Variants in VIT observed in about 807,000 individuals in gnomAD.
The protein encoded by VIT is vitrin.
Under a neutral mutation model 78.0 loss-of-function variants are expected in VIT, and 99 were observed. That is an observed-to-expected ratio of 1.27 (90% CI 1.08 to 1.50). The LOEUF (loss-of-function observed/expected upper bound fraction) is 1.50. Among genes scored for constraint, VIT ranks in the 40% most tolerant of loss-of-function variants. The probability of loss-of-function intolerance (pLI) is 0.00; values close to 1 mark genes in which losing one functional copy is unlikely to be tolerated. For synonymous variants in VIT, 374 were observed against 334.3 expected (o/e 1.12, Z -1.29); for missense variants, 1,126 against 875.3 (o/e 1.29, Z -3.61).
intron 14 of VIT, 52 bp downstream of exon 14, chr2:36,805,716 A>C (rs759882507): frequency 6.4e-7 from 1 of 1,572,826 alleles, no homozygotes; most frequent in Non-Finnish European, 8.7e-7. Flanking sequence ...TGCACTCTGA[A>C]AAATTGTAAC....
intron 15 of VIT, among the ~76,000 whole-genome samples, chr2:36,809,756 C>G (rs1572585983): frequency 6.6e-6 from 1 of 152,160 alleles, no homozygotes. Flanking sequence ...TTTTTAAAGA[C>G]AAGTACTTTT....
intron 15 of VIT, among the ~76,000 whole-genome samples, chr2:36,811,809 A>C (rs1315955904): frequency 6.6e-6 from 1 of 151,952 alleles, no homozygotes; most frequent in African/African-American, 2.4e-5. Flanking sequence ...AGTAGCTGGA[A>C]TTACAGGAAC....
rs752879190 is a variant in VIT, at chr2:36,699,515, G to GTT, written c.-19+2543_-19+2544dup. Among the ~76,000 whole-genome samples, 474 of 44,036 alleles carry GTT rather than the reference G, an allele frequency of 0.011. 7 individuals carry two copies. The East Asian group carries it at 0.12, about 11-fold the overall frequency. The allele number at this position is 44,036 out of a possible 152,430, so 28.9% of individuals were successfully genotyped here. On this transcript the variant is annotated intron_variant, in intron 1 of 15. Coordinates refer to ENST00000379242, the MANE Select transcript of VIT (RefSeq NM_053276.4). ...ATTCTTCACAAGACAATTAGAGGGG[G>GTT]TTATATATATATATACACACACATA...
intron 3 of VIT, among the ~76,000 whole-genome samples, chr2:36,737,724 C>A (rs1016894454): frequency 2.0e-5 from 3 of 152,150 alleles, no homozygotes; most frequent in African/African-American, 7.2e-5. Flanking sequence ...AAGAGAAATA[C>A]GACTCCATGG....
chr2:36,713,548 T>A (rs528292368), intron 1 of VIT, among the ~76,000 whole-genome samples: 2 of 152,306 alleles, frequency 1.3e-5, no homozygotes, highest in South Asian at 2.1e-4. Context: ...TCATGCTGGC[T>A]GCTCTGTGGA....
At chr2:36,766,502 G>T (rs1669439011) in intron 6 of VIT, among the ~76,000 whole-genome samples, 1 of 152,176 alleles carries the variant, frequency 6.6e-6, no homozygotes, top group Admixed American at 6.5e-5. Flanking sequence ...CTGCACTGCA[G>T]CCTGGGTGAC....
chr2:36,800,539 C>T (rs1019921687), intron 12 of VIT, among the ~76,000 whole-genome samples: 13 of 152,114 alleles, frequency 8.5e-5, no homozygotes, highest in African/African-American at 2.9e-4. Context: ...CTCACGCCCA[C>T]GAAGTCAGCG....
chr2:36,787,671 A>G (rs1198036059), intron 12 of VIT: 3 of 339,368 alleles, frequency 8.8e-6, no homozygotes, highest in East Asian at 1.7e-4. Context: ...TTTCAACCCT[A>G]TTACAGCATT....
intron 12 of VIT, among the ~76,000 whole-genome samples, chr2:36,792,568 A>C (rs1665578929): frequency 6.6e-6 from 1 of 152,170 alleles, no homozygotes; most frequent in South Asian, 2.1e-4. Context: ...CTGATGCCCA[A>C]TAGAACCACC....
chr2:36,790,189 T>G (rs1011932039), intron 12 of VIT, among the ~76,000 whole-genome samples: 4 of 152,198 alleles, frequency 2.6e-5, no homozygotes, highest in Non-Finnish European at 5.9e-5. Context: ...AAAGACGTTT[T>G]GGGTACACGG....
At chr2:36,728,206 C>G (rs1323299647) in intron 2 of VIT, among the ~76,000 whole-genome samples, 1 of 152,190 alleles carries the variant, frequency 6.6e-6, no homozygotes, top group Admixed American at 6.5e-5. Flanking sequence ...GCTGGGATTA[C>G]AGGCGTGAGC....
intron 3 of VIT, among the ~76,000 whole-genome samples, chr2:36,731,738 T>A (rs1667222618): frequency 6.6e-6 from 1 of 152,228 alleles, no homozygotes; most frequent in Admixed American, 6.5e-5. Flanking sequence ...TCCAAATTTG[T>A]AGGCTTGATG....
intron 2 of VIT, among the ~76,000 whole-genome samples, chr2:36,728,529 A>T (rs1666992966): frequency 1.0e-5 from 1 of 96,890 alleles, no homozygotes; most frequent in Non-Finnish European, 2.6e-5. Context: ...AAGAAAAAAT[A>T]TTGGCCGGGC....
intron 15 of VIT, 88 bp from the exon 16 acceptor site, chr2:36,814,095 C>A (rs1667386860): frequency 1.3e-6 from 2 of 1,491,292 alleles, no homozygotes; most frequent in Admixed American, 4.2e-5. Context: ...TTGGATTTGG[C>A]TGTGCCAACA....
At chr2:36,726,737 T>C (rs1307169092) in intron 2 of VIT, among the ~76,000 whole-genome samples, 1 of 147,680 alleles carries the variant, frequency 6.8e-6, no homozygotes, top group East Asian at 2.0e-4. Context: ...GAGAATCACT[T>C]GAACCCGGGA....
chr2:36,733,351 T>G (rs373833322), intron 3 of VIT, among the ~76,000 whole-genome samples: 135 of 150,440 alleles, frequency 9.0e-4, no homozygotes, highest in African/African-American at 3.1e-3. Context: ...TCTCCCCCCC[T>G]CTCTCTCTCT....
At chr2:36,704,025 G>C (rs1665252325) in intron 1 of VIT, among the ~76,000 whole-genome samples, 1 of 149,536 alleles carries the variant, frequency 6.7e-6, no homozygotes, top group Non-Finnish European at 1.5e-5. Context: ...TCCGGTGTTT[G>C]ACTGATTCTC....
chr2:36,719,142 A>G (rs540417995), intron 2 of VIT, among the ~76,000 whole-genome samples: 1 of 152,326 alleles, frequency 6.6e-6, no homozygotes, highest in African/African-American at 2.4e-5. Flanking sequence ...TGGCTTGCTT[A>G]TTCAGATAGC....
intron 3 of VIT, among the ~76,000 whole-genome samples, chr2:36,734,226 A>T (rs1667373842): frequency 6.6e-6 from 1 of 152,190 alleles, no homozygotes; most frequent in African/African-American, 2.4e-5. Context: ...TCTTACAAAT[A>T]TGAATGTGAA....
Sources: allele counts gnomAD v4.1 joint callset (sites outside exome capture counted in the v4.1 genomes callset), GRCh38; gene constraint gnomAD v4.1.1; transcripts MANE v1.5; gene names NCBI Gene and HGNC (gene_info 2026-07-23, HGNC 2026-07-21).